The following TRIOBP variants were observed in gnomAD, a reference collection of about 807,000 sequenced individuals.
The protein encoded by TRIOBP is TRIO and F-actin binding protein, also known as TRIO and F-actin-binding protein.
Under a neutral mutation model 238.8 loss-of-function variants are expected in TRIOBP, and 169 were observed. That is an observed-to-expected ratio of 0.71 (90% CI 0.62 to 0.80). The LOEUF (loss-of-function observed/expected upper bound fraction) is 0.80. Among genes scored for constraint, TRIOBP ranks in the 30% least tolerant of loss-of-function variants. TRIOBP has a pLI of 0.00. For missense variants in TRIOBP, 2,838 were observed against 3,122.6 expected (o/e 0.91, Z 2.17); for synonymous variants, 1,150 against 1,274.4 (o/e 0.90, Z 2.08).
chr22:37,746,512 C>A, intron 11 of TRIOBP: 1 of 1,139,904 alleles, frequency 8.8e-7, no homozygotes, highest in East Asian at 5.4e-5. Context: ...GGGCAGCCCC[C>A]TCCTCATTTC....
At chr22:37,740,140 CCCTCCTGGA>C (rs753512599) in intron 10 of TRIOBP, among the ~76,000 whole-genome samples, 48 of 152,312 alleles carry the variant, frequency 3.2e-4, no homozygotes, top group Non-Finnish European at 4.3e-4. Flanking sequence ...ACCCCCAAAG[CCCTCCTGGA>C]CCTGTGCTTT....
intron 2 of TRIOBP, among the ~76,000 whole-genome samples, chr22:37,700,520 A>G (rs1195255023): frequency 1.3e-5 from 2 of 150,436 alleles, no homozygotes; most frequent in Non-Finnish European, 3.0e-5. Context: ...GACTCAGGTG[A>G]TCCTCCCAAC....
At chr22:37,742,407 C>T (rs1005219624) in intron 11 of TRIOBP, among the ~76,000 whole-genome samples, 1 of 151,886 alleles carries the variant, frequency 6.6e-6, no homozygotes, top group Non-Finnish European at 1.5e-5. Context: ...GTACTACAGG[C>T]GTGTGCCACC....
At chr22:37,735,582 A>C in intron 9 of TRIOBP, 140 bp downstream of exon 9, 1 of 1,007,110 alleles carries the variant, frequency 9.9e-7, no homozygotes, top group Non-Finnish European at 1.5e-6. Flanking sequence ...CCTGCTGACC[A>C]CAACCCATCC....
chr22:37,741,335 C>T (rs1210892170), intron 11 of TRIOBP, among the ~76,000 whole-genome samples: 3 of 152,154 alleles, frequency 2.0e-5, no homozygotes, highest in East Asian at 1.9e-4. Flanking sequence ...CCTGGGCCAA[C>T]GGGGAGCCAG....
chr22:37,721,332 C>T (rs1421968059), intron 6 of TRIOBP, among the ~76,000 whole-genome samples: 1 of 152,088 alleles, frequency 6.6e-6, no homozygotes, highest in Non-Finnish European at 1.5e-5. Flanking sequence ...ATTTTGAATT[C>T]CCTGCTAGGT....
At chr22:37,723,163 A>C in intron 6 of TRIOBP, 22 bp from the exon 7 acceptor site, 6 of 1,613,226 alleles carry the variant, frequency 3.7e-6, no homozygotes, top group Non-Finnish European at 5.1e-6. Flanking sequence ...CCTTACCTTG[A>C]GCCCCTCTCT....
chr22:37,712,781 C>A (rs1027393239), intron 4 of TRIOBP, among the ~76,000 whole-genome samples: 2 of 151,398 alleles, frequency 1.3e-5, no homozygotes, highest in Admixed American at 6.6e-5. Flanking sequence ...ACGGTGAAAC[C>A]CCATCTCTAC....
chr22:37,736,285 CCTCT>C (rs149385642), intron 9 of TRIOBP, among the ~76,000 whole-genome samples: 2 of 151,412 alleles, frequency 1.3e-5, no homozygotes, highest in Non-Finnish European at 3.0e-5. Context: ...TGAACACCAG[CCTCT>C]CTCTCTCTCT....
rs763016139 is a variant in TRIOBP, at chr22:37,734,481, G to T, written c.4145G>T (p.Arg1382Ile). Residue 1382 changes from arginine (R) to isoleucine (I), a missense_variant, in exon 9 of 24, where the codon AGA becomes ATA. Physicochemically the swap from Arg to Ile is moderately conservative, Grantham distance 97. Transcript: ENST00000644935. ...CCTCATCCTTGGAGTCCTGAGAAGA[G>T]ACCTGAGGGAGATCGGCAGCTCCAG... ...EPPHPWSPEK[R>I]PEGDRQLQGS... is the part of the protein sequence containing the mutation. 1 of 1,612,586 alleles carries T rather than the reference G, an allele frequency of 6.2e-7. No homozygotes were observed. The highest frequency in any genetic ancestry group is 8.5e-7 in the Non-Finnish European group (1 of 1,179,712).
At chr22:37,705,348 C>G (rs1922878842) in intron 3 of TRIOBP, among the ~76,000 whole-genome samples, 1 of 151,488 alleles carries the variant, frequency 6.6e-6, no homozygotes. Flanking sequence ...GTACTCCAGC[C>G]TGGGCAACAG....
Position 37,769,044 on chromosome 22 carries a change from C to G in TRIOBP, c.6592C>G (p.Leu2198Val). ...CTGGGGCAGGTCAGATGTGGAGGCA[C>G]TGAAGCGAGAGCTGCAGGTGCTATC... Reference protein sequence around the residue: ...RKQHQSDVEALKRELQVLSEQ... With the variant: ...RKQHQSDVEAVKRELQVLSEQ... The change falls in exon 20 of 24, where the codon CTG becomes GTG. Residue 2198 changes from leucine to valine, a missense_variant. Coordinates refer to ENST00000644935, the MANE Select transcript of TRIOBP (RefSeq NM_001039141.3). 6.2e-7 allele frequency: 1 copy of G among 1,613,480 alleles called. No homozygotes were observed.
chr22:37,743,847 TG>T (rs1188497289), intron 11 of TRIOBP, among the ~76,000 whole-genome samples: 2 of 64,104 alleles, frequency 3.1e-5, no homozygotes, highest in Admixed American at 4.0e-4. Flanking sequence ...GTGTGTGTGC[TG>T]GGTGTGTGTG....
chr22:37,757,358 G>A (rs568541331), intron 15 of TRIOBP, among the ~76,000 whole-genome samples: 1 of 152,248 alleles, frequency 6.6e-6, no homozygotes, highest in South Asian at 2.1e-4. Flanking sequence ...GTGAGACCCT[G>A]TCCCTTGAAA....
At chr22:37,746,372 T>C (rs779353460) in intron 11 of TRIOBP, 1 of 1,296,016 alleles carries the variant, frequency 7.7e-7, no homozygotes, top group South Asian at 2.0e-5. Flanking sequence ...GAGAGCCGCG[T>C]CCACGTTCCT....
intron 7 of TRIOBP, among the ~76,000 whole-genome samples, chr22:37,729,345 A>G (rs1445834698): frequency 6.6e-6 from 1 of 151,992 alleles, no homozygotes; most frequent in African/African-American, 2.4e-5. Context: ...CCTCCTCAGT[A>G]GCTGGGACTA....
intron 19 of TRIOBP, 96 bp from the exon 20 acceptor site, chr22:37,768,932 C>T (rs1601669199): frequency 1.3e-6 from 2 of 1,578,088 alleles, no homozygotes; most frequent in South Asian, 1.1e-5. Flanking sequence ...AGAGGGAACC[C>T]CAGAGTCCTG....
In TRIOBP at chr22:37,736,285, C is replaced by CCT. The variant is rs149385642; in HGVS notation, c.5106+856_5106+857dup. ...GACGGCATGTGGTTTTGAACACCAG[C>CCT]CTCTCTCTCTCTCTGTAAGATGGAC... On this transcript the variant is annotated intron_variant, in intron 9 of 23. Coordinates refer to ENST00000644935, the MANE Select transcript of TRIOBP (RefSeq NM_001039141.3). Among the ~76,000 whole-genome samples, 6 of 151,526 alleles carry CCT rather than the reference C, an allele frequency of 4.0e-5. 1 individual carries two copies. In the South Asian group the frequency reaches 8.3e-4, roughly 21 times the overall value.
At chr22:37,705,036 G>A (rs1484596645) in intron 3 of TRIOBP, among the ~76,000 whole-genome samples, 4 of 152,098 alleles carry the variant, frequency 2.6e-5, no homozygotes, top group Non-Finnish European at 5.9e-5. Context: ...GCATGCCAAT[G>A]CACTCCAGCC....
Sources: gnomAD v4.1 joint callset for allele counts (sites outside exome capture counted in the v4.1 genomes callset) on GRCh38, gnomAD v4.1.1 for gene constraint, MANE v1.5 for transcripts, NCBI Gene and HGNC (gene_info 2026-07-23, HGNC 2026-07-21) for gene names.